LARS2: variants seen among roughly 807,000 people sequenced by gnomAD.
The protein encoded by LARS2 is leucine--tRNA ligase, mitochondrial.
In LARS2, 81 loss-of-function variants were observed where a neutral mutation model predicts 116.6. That is an observed-to-expected ratio of 0.69 (90% CI 0.58 to 0.84). The LOEUF (loss-of-function observed/expected upper bound fraction) is 0.84, where lower values mean the gene tolerates loss of function less well. Among genes scored for constraint, LARS2 ranks in the 40% least tolerant of loss-of-function variants. LARS2 has a pLI of 0.00. For missense variants in LARS2, 968 were observed against 1,114.5 expected (o/e 0.87, Z 1.87); for synonymous variants, 396 against 407.2 (o/e 0.97, Z 0.33).
At chr3:45,521,596 T>C (rs1015954171) in intron 19 of LARS2, among the ~76,000 whole-genome samples, 1 of 152,146 alleles carries the variant, frequency 6.6e-6, no homozygotes, top group African/African-American at 2.4e-5. Context: ...TGTAAAGCAC[T>C]CTTACATATT....
intron 20 of LARS2, among the ~76,000 whole-genome samples, chr3:45,526,285 T>A (rs1037398870): frequency 6.6e-6 from 1 of 152,262 alleles, no homozygotes; most frequent in African/African-American, 2.4e-5. Flanking sequence ...TGAACAATTT[T>A]GTTCCTATCA....
Position 45,488,821 on chromosome 3 carries a change from C to G in LARS2, c.1239+9C>G. On this transcript the variant is annotated intron_variant, in intron 12 of 21. Transcript: ENST00000645846. Reference sequence around the variant, plus strand: ...TGAGCAGCTCTGCTGAGGTTGGTGACTAAGAACTTACTTCCAGAATGATCA... The same window carrying G: ...TGAGCAGCTCTGCTGAGGTTGGTGAGTAAGAACTTACTTCCAGAATGATCA... 6.6e-7 allele frequency: 1 copy of G among 1,515,128 alleles called. No homozygotes were observed. The highest frequency in any genetic ancestry group is 9.2e-7 in the Non-Finnish European group (1 of 1,089,438). The allele number at this position is 1,515,128 out of a possible 1,614,324, so 93.9% of individuals were successfully genotyped here.
intron 19 of LARS2, among the ~76,000 whole-genome samples, chr3:45,522,591 G>C (rs537518909): frequency 6.6e-6 from 1 of 151,984 alleles, no homozygotes; most frequent in Non-Finnish European, 1.5e-5. Flanking sequence ...AATCAGCCAG[G>C]GTGTGGTGGT....
At chr3:45,471,296 T>C (rs1314185847) in intron 8 of LARS2, among the ~76,000 whole-genome samples, 1 of 152,222 alleles carries the variant, frequency 6.6e-6, no homozygotes, top group Non-Finnish European at 1.5e-5. Context: ...CGAAAAGAGC[T>C]TGCAGAGTTG....
intron 6 of LARS2, among the ~76,000 whole-genome samples, chr3:45,435,728 C>T (rs1698786387): frequency 6.6e-6 from 1 of 151,994 alleles, no homozygotes; most frequent in African/African-American, 2.4e-5. Context: ...CTGGGGCTTA[C>T]CGGGCATTTA....
At chr3:45,462,932 C>G (rs1175769148) in intron 8 of LARS2, among the ~76,000 whole-genome samples, 1 of 152,186 alleles carries the variant, frequency 6.6e-6, no homozygotes, top group African/African-American at 2.4e-5. Context: ...CCCAGTCCTC[C>G]TAGGATTGTT....
intron 15 of LARS2, among the ~76,000 whole-genome samples, chr3:45,504,748 GT>G (rs574369104): frequency 2.0e-5 from 3 of 150,142 alleles, no homozygotes; most frequent in Admixed American, 6.6e-5. Context: ...CATTTTTAGT[GT>G]TTTTTTTGTT....
At chr3:45,539,833 T>C (rs1321587901) in intron 20 of LARS2, among the ~76,000 whole-genome samples, 2 of 152,322 alleles carry the variant, frequency 1.3e-5, no homozygotes, top group East Asian at 1.9e-4. Context: ...AAATTAAATA[T>C]CATTTTAAAA....
intron 6 of LARS2, among the ~76,000 whole-genome samples, chr3:45,420,840 G>T (rs1698502513): frequency 1.3e-5 from 2 of 152,146 alleles, no homozygotes; most frequent in African/African-American, 4.8e-5. Flanking sequence ...AACGATAAAT[G>T]ACTTAAAAGT....
At chr3:45,391,694 A>G (rs1697954599) in intron 2 of LARS2, 46 bp downstream of exon 2, 1 of 152,166 alleles carries the variant, frequency 6.6e-6, no homozygotes, top group Admixed American at 6.5e-5. Context: ...TGAATAATCT[A>G]TTACTATCTA....
intron 7 of LARS2, among the ~76,000 whole-genome samples, chr3:45,457,047 G>A (rs80204454): frequency 0.013 from 1,991 of 152,340 alleles, 29 homozygotes; most frequent in African/African-American, 0.045. Context: ...ACGGCAATGC[G>A]TTTGACCCTG....
chr3:45,548,094 A>G lies in LARS2; in HGVS notation c.*564A>G, dbSNP rs565912378. ...ATAACCAATATGTGGAAATGGACAC[A>G]GGGATCTTCTGAAGTTGCTTTGAAT... On this transcript the variant is annotated 3_prime_UTR_variant, in exon 22 of 22. Transcript: ENST00000645846. 2 of 152,476 alleles carry G rather than the reference A, an allele frequency of 1.3e-5. No individual in the cohort carries two copies. Among genetic ancestry groups the G allele is most frequent in the East Asian group, 3.9e-4 (2 of 5,192 alleles). 9.4% of individuals were successfully genotyped at this position (152,476 alleles called of 1,614,324 possible). A position where few individuals can be genotyped will look rare whatever the true frequency, so the allele number is the denominator to read the frequency against.
intron 4 of LARS2, among the ~76,000 whole-genome samples, chr3:45,415,467 G>A (rs367642990): frequency 7.2e-5 from 11 of 152,108 alleles, no homozygotes; most frequent in Admixed American, 1.3e-4. Flanking sequence ...TTTTACAGAC[G>A]ATGAAACTGA....
chr3:45,414,078 C>T (rs1310367715), intron 4 of LARS2, among the ~76,000 whole-genome samples: 1 of 152,162 alleles, frequency 6.6e-6, no homozygotes, highest in Non-Finnish European at 1.5e-5. Context: ...TGTAGTTGCA[C>T]TTCTAGAAAT....
chr3:45,405,917 G>A (rs1206302069), intron 4 of LARS2, among the ~76,000 whole-genome samples: 1 of 152,066 alleles, frequency 6.6e-6, no homozygotes, highest in Non-Finnish European at 1.5e-5. Flanking sequence ...CTTCCACTTG[G>A]ACTCAAGTCA....
intron 10 of LARS2, among the ~76,000 whole-genome samples, chr3:45,482,399 T>C (rs997186330): frequency 1.3e-5 from 2 of 152,118 alleles, no homozygotes; most frequent in African/African-American, 2.4e-5. Flanking sequence ...TGGTCAAAGG[T>C]TACAAACATT....
chr3:45,450,764 G>GT (rs1699114254), intron 7 of LARS2, among the ~76,000 whole-genome samples: 1 of 152,122 alleles, frequency 6.6e-6, no homozygotes, highest in South Asian at 2.1e-4. Context: ...TCATGTGGTA[G>GT]TTTTATTTTT....
In LARS2 at chr3:45,500,529, T is replaced by C; in HGVS notation, c.1710T>C (p.Tyr570=). Residue 570 remains tyrosine, a synonymous_variant, in exon 15 of 22, where the codon TAT becomes TAC. Transcript: ENST00000645846. ...AACATGCCGTCATGCACTTGTTCTA[T>C]GCAAGATTCTTTAGTCATTTTTGCC... ...GKEHAVMHLF[Y]ARFFSHFCHD... is the part of the protein sequence containing the mutation. 6.3e-7 allele frequency: 1 copy of C among 1,576,494 alleles called. No homozygotes were observed. Among genetic ancestry groups the C allele is most frequent in the South Asian group, 1.2e-5 (1 of 83,724 alleles).
At chr3:45,455,195 C>A (rs1166698933) in intron 7 of LARS2, among the ~76,000 whole-genome samples, 1 of 151,030 alleles carries the variant, frequency 6.6e-6, no homozygotes, top group East Asian at 1.9e-4. Flanking sequence ...TAGGAGCACA[C>A]CTTCCTCATT....
Sources: gnomAD v4.1 joint callset for allele counts (sites outside exome capture counted in the v4.1 genomes callset) on GRCh38, gnomAD v4.1.1 for gene constraint, MANE v1.5 for transcripts, NCBI Gene and HGNC (gene_info 2026-07-23, HGNC 2026-07-21) for gene names.